The following CCSER1 variants were observed in gnomAD, a reference collection of about 807,000 sequenced individuals.
The protein encoded by CCSER1 is coiled-coil serine rich protein 1.
Under a neutral mutation model 82.0 loss-of-function variants are expected in CCSER1, and 41 were observed. The observed-to-expected ratio is 0.50, with a 90% CI of 0.39 to 0.65. The LOEUF (loss-of-function observed/expected upper bound fraction) is 0.65. Ranked by LOEUF, CCSER1 falls within the 30% of genes least tolerant of loss-of-function variation. CCSER1 has a pLI of 0.00. For missense variants in CCSER1, 1,119 were observed against 1,064.2 expected (o/e 1.05, Z -0.72); for synonymous variants, 414 against 383.9 (o/e 1.08, Z -0.92).
At chr4:91,149,120 C>A (rs1031693407) in intron 10 of CCSER1, among the ~76,000 whole-genome samples, 18 of 152,114 alleles carry the variant, frequency 1.2e-4, no homozygotes, top group African/African-American at 4.1e-4. Context: ...TGTTCCTATT[C>A]CTCCACATCC....
chr4:91,274,788 A>G (rs113228981), intron 10 of CCSER1, among the ~76,000 whole-genome samples: 1,961 of 152,254 alleles, frequency 0.013, 23 homozygotes, highest in Middle Eastern at 0.048. Context: ...CAATAAACAT[A>G]TGGGTGCAAG....
chr4:91,599,329 A>G lies in CCSER1; in HGVS notation c.*272A>G, dbSNP rs768280158. On this transcript the variant is annotated 3_prime_UTR_variant, in exon 11 of 11. Transcript: ENST00000509176. ...AAATGGGACCATCATGATCGTTTAT[A>G]TAGTCCATAATTTATTTATTTTTTA... 3.4e-6 allele frequency: 1 copy of G among 290,488 alleles called. No individual in the cohort carries two copies. The highest frequency in any genetic ancestry group is 6.4e-6 in the Non-Finnish European group (1 of 156,522). 18.0% of individuals were successfully genotyped at this position (290,488 alleles called of 1,614,324 possible). A position where few individuals can be genotyped will look rare whatever the true frequency, so the allele number is the denominator to read the frequency against.
intron 5 of CCSER1, among the ~76,000 whole-genome samples, chr4:90,568,658 A>G (rs376933323): frequency 6.6e-6 from 1 of 151,688 alleles, no homozygotes; most frequent in African/African-American, 2.4e-5. Flanking sequence ...TACATTCTAG[A>G]TAATTATTGA....
chr4:91,264,448 G>A (rs922444282), intron 10 of CCSER1, among the ~76,000 whole-genome samples: 2 of 151,626 alleles, frequency 1.3e-5, no homozygotes, highest in African/African-American at 4.8e-5. Flanking sequence ...TTCCAAATTA[G>A]CTTGTTCTTT....
intron 10 of CCSER1, among the ~76,000 whole-genome samples, chr4:91,588,375 C>G (rs1208200404): frequency 6.6e-6 from 1 of 151,474 alleles, no homozygotes; most frequent in Non-Finnish European, 1.5e-5. Flanking sequence ...AAATAAGCCT[C>G]TTATCTCTAA....
At chr4:90,214,869 C>T (rs1740737595) in intron 1 of CCSER1, among the ~76,000 whole-genome samples, 2 of 152,186 alleles carry the variant, frequency 1.3e-5, no homozygotes, top group South Asian at 2.1e-4. Context: ...TAAATATGCT[C>T]TTCCAGGAAT....
chr4:91,522,511 A>G (rs531044207), intron 10 of CCSER1, among the ~76,000 whole-genome samples: 42 of 152,244 alleles, frequency 2.8e-4, no homozygotes, highest in Middle Eastern at 6.8e-3. Flanking sequence ...ATGAGCATGG[A>G]ATGTTCTTCC....
In CCSER1 at chr4:90,494,356, C is replaced by T. The variant is rs149427318; in HGVS notation, c.1724+26002C>T. Among the ~76,000 whole-genome samples, 547 of 152,194 alleles carry T rather than the reference C, an allele frequency of 3.6e-3. 4 individuals are homozygous for T. Among genetic ancestry groups the T allele is most frequent in the African/African-American group, 0.012 (515 of 41,538 alleles). ...CCACTGTCAACATTAGACAGATCCA[C>T]GAGACAGAAAGTTAGCGAGGATATC... On this transcript the variant is annotated intron_variant, in intron 5 of 10. Transcript: ENST00000509176.
rs775250394 is a variant in CCSER1, at chr4:90,309,458, A to G, written c.1174A>G (p.Arg392Gly). The change falls in exon 2 of 11, where the codon AGG becomes GGG. Residue 392 changes from arginine (R) to glycine (G), a missense_variant. Coordinates refer to ENST00000509176, the MANE Select transcript of CCSER1 (RefSeq NM_001145065.2). ...AACAATGCTGGGGACAAACTCCCCA[A>G]GGAAACTTGGATTTTATGAGCAACA... ...GETMLGTNSP[R>G]KLGFYEQHKA... is the part of the protein sequence containing the mutation. 3.1e-6 allele frequency: 5 copies of G among 1,613,786 alleles called. No individual in the cohort carries two copies. In the African/African-American group the frequency reaches 4.0e-5, roughly 13 times the overall value.
intron 9 of CCSER1, among the ~76,000 whole-genome samples, chr4:90,985,768 C>T (rs546651433): frequency 1.5e-4 from 22 of 151,432 alleles, no homozygotes; most frequent in Admixed American, 7.3e-4. Flanking sequence ...AACTAATGAC[C>T]GCCCACTTGT....
intron 9 of CCSER1, among the ~76,000 whole-genome samples, chr4:91,036,355 C>A (rs1192353885): frequency 1.3e-5 from 2 of 151,956 alleles, no homozygotes; most frequent in African/African-American, 2.4e-5. Flanking sequence ...TAATATTTTT[C>A]TTTAAATCTA....
At chr4:90,497,097 G>A (rs6848809) in intron 5 of CCSER1, among the ~76,000 whole-genome samples, 12,628 of 151,492 alleles carry the variant, frequency 0.083, 706 homozygotes, top group African/African-American at 0.15. Flanking sequence ...AGGTAACAAT[G>A]TTGAAATGCT....
intron 1 of CCSER1, among the ~76,000 whole-genome samples, chr4:90,300,494 C>T (rs1294600965): frequency 6.6e-6 from 1 of 152,090 alleles, no homozygotes; most frequent in Non-Finnish European, 1.5e-5. Context: ...AGTGGTAGTA[C>T]TTGCATTTAA....
intron 1 of CCSER1, among the ~76,000 whole-genome samples, chr4:90,240,547 G>C (rs539088130): frequency 6.6e-6 from 1 of 152,120 alleles, no homozygotes; most frequent in Admixed American, 6.5e-5. Flanking sequence ...TTCCTCTACT[G>C]GGAACACTCA....
At chr4:90,884,725 G>A (rs566574224) in intron 8 of CCSER1, among the ~76,000 whole-genome samples, 2 of 152,202 alleles carry the variant, frequency 1.3e-5, no homozygotes, top group East Asian at 1.9e-4. Context: ...CCTACCAAAT[G>A]TGGAACAGAC....
chr4:90,851,547 C>T lies in CCSER1; in HGVS notation c.2094+35702C>T, dbSNP rs1216562835. Among the ~76,000 whole-genome samples the T allele has an allele frequency of 2.7e-5, 4 of 150,526 alleles. No homozygotes were observed. In the East Asian group the frequency reaches 7.8e-4, roughly 29 times the overall value. On this transcript the variant is annotated intron_variant, in intron 8 of 10. Coordinates refer to ENST00000509176, the MANE Select transcript of CCSER1 (RefSeq NM_001145065.2). ...AGCCCTTGGAGACTATGCACTTGAA[C>T]CACATTTTATTGGCTACTTATAGAG...
chr4:90,596,815 T>G (rs1783401439), intron 5 of CCSER1, among the ~76,000 whole-genome samples: 1 of 151,934 alleles, frequency 6.6e-6, no homozygotes, highest in Admixed American at 6.6e-5. Flanking sequence ...AATAACAATT[T>G]CAGAAAAGAC....
intron 9 of CCSER1, among the ~76,000 whole-genome samples, chr4:90,927,620 T>C (rs1729228792): frequency 1.3e-5 from 2 of 151,986 alleles, no homozygotes; most frequent in Admixed American, 6.6e-5. Context: ...GCTTTATAAA[T>C]ACAGTTTTCT....
intron 6 of CCSER1, among the ~76,000 whole-genome samples, chr4:90,672,847 G>A (rs1457231366): frequency 6.6e-6 from 1 of 151,844 alleles, no homozygotes; most frequent in African/African-American, 2.4e-5. Flanking sequence ...CAACGAGATG[G>A]TCAGAGACTA....
Sources: allele counts gnomAD v4.1 joint callset (sites outside exome capture counted in the v4.1 genomes callset), GRCh38; gene constraint gnomAD v4.1.1; transcripts MANE v1.5; gene names NCBI Gene and HGNC (gene_info 2026-07-23, HGNC 2026-07-21).